The following PEX5L variants were observed in gnomAD, a reference collection of about 807,000 sequenced individuals.
The protein encoded by PEX5L is PEX5-related protein.
A neutral mutation model predicts 84.0 loss-of-function variants in PEX5L; 30 were observed. The observed-to-expected ratio is 0.36, with a 90% CI of 0.27 to 0.48. PEX5L has a LOEUF of 0.48. PEX5L is among the 20% of genes least tolerant of loss of function. The probability of loss-of-function intolerance (pLI) is 0.99; values close to 1 mark genes in which losing one functional copy is unlikely to be tolerated. For missense variants in PEX5L, 533 were observed against 754.6 expected, an observed-to-expected ratio of 0.71 and a Z score of 3.44; for synonymous variants, 270 against 283.1, an observed-to-expected ratio of 0.95 and a Z score of 0.46.
chr3:180,019,647 A>G (rs1038198078), intron 1 of PEX5L, among the ~76,000 whole-genome samples: 2 of 152,318 alleles, frequency 1.3e-5, no homozygotes, highest in South Asian at 2.1e-4. Context: ...ATAACTGTCA[A>G]TGAAAATATT....
chr3:179,954,227 C>A (rs1779941339), intron 2 of PEX5L, among the ~76,000 whole-genome samples: 1 of 150,306 alleles, frequency 6.7e-6, no homozygotes, highest in Admixed American at 6.6e-5. Context: ...AAAAGTCAGC[C>A]ATGAGTAAAA....
At chr3:179,871,833 C>T (rs1750509003) in intron 7 of PEX5L, among the ~76,000 whole-genome samples, 1 of 152,160 alleles carries the variant, frequency 6.6e-6, no homozygotes, top group African/African-American at 2.4e-5. Context: ...CTGCCTGATT[C>T]GTGAATTGTT....
intron 3 of PEX5L, among the ~76,000 whole-genome samples, chr3:179,893,718 T>A (rs558735153): frequency 3.3e-4 from 51 of 152,290 alleles, no homozygotes; most frequent in Non-Finnish European, 6.6e-4. Flanking sequence ...CATTTGGTAC[T>A]TCAATAATAA....
At chr3:180,030,305 A>C (rs1475391865) in intron 1 of PEX5L, among the ~76,000 whole-genome samples, 1 of 152,094 alleles carries the variant, frequency 6.6e-6, no homozygotes, top group Non-Finnish European at 1.5e-5. Context: ...GCTCACCCAT[A>C]TCTCTCCCTT....
intron 2 of PEX5L, chr3:179,921,518 T>C (rs553267621): frequency 6.6e-5 from 10 of 152,356 alleles, no homozygotes; most frequent in Admixed American, 3.3e-4. Context: ...TTTTCGTGTC[T>C]AACCTCTTGA....
chr3:179,866,916 C>T (rs778923981), intron 7 of PEX5L, among the ~76,000 whole-genome samples: 9 of 150,600 alleles, frequency 6.0e-5, no homozygotes, highest in African/African-American at 9.8e-5. Context: ...ATTCCAGCTA[C>T]TCGGGAGGCT....
intron 1 of PEX5L, among the ~76,000 whole-genome samples, chr3:179,984,920 G>C (rs1012395954): frequency 6.6e-6 from 1 of 152,172 alleles, no homozygotes; most frequent in African/African-American, 2.4e-5. Flanking sequence ...TGAATTTTAA[G>C]AGAGAAAAAG....
chr3:179,815,283 T>C (rs566678180), intron 10 of PEX5L, among the ~76,000 whole-genome samples: 20 of 152,324 alleles, frequency 1.3e-4, no homozygotes, highest in Admixed American at 2.0e-4. Flanking sequence ...TACCGCTATA[T>C]ACTGTCCCTT....
intron 1 of PEX5L, among the ~76,000 whole-genome samples, chr3:180,029,353 T>C (rs1272542757): frequency 6.6e-6 from 1 of 152,036 alleles, no homozygotes; most frequent in Non-Finnish European, 1.5e-5. Context: ...ACGAATTGTT[T>C]TGAGAACTAT....
intron 2 of PEX5L, among the ~76,000 whole-genome samples, chr3:179,944,305 CT>C (rs1300119297): frequency 6.6e-6 from 1 of 152,202 alleles, no homozygotes; most frequent in East Asian, 1.9e-4. Context: ...TAAGAAGAGA[CT>C]TTTGCTCAAC....
At chr3:179,868,453 T>C (rs1749148307) in intron 7 of PEX5L, among the ~76,000 whole-genome samples, 1 of 152,184 alleles carries the variant, frequency 6.6e-6, no homozygotes, top group South Asian at 2.1e-4. Flanking sequence ...AAAACATACC[T>C]GCACTTAAGG....
At position 179,923,300 on chromosome 3, in the gene PEX5L, A is replaced by AC. The variant is rs1560731226; in HGVS notation, c.94-25055_94-25054insG. Among the ~76,000 whole-genome samples the AC allele has an allele frequency of 2.7e-4, 39 of 144,814 alleles. 2 individuals carry two copies. The East Asian group carries it at 7.9e-3, about 29-fold the overall frequency. ...AGCGAGACTCCATCTCAAAAAAAAA[A>AC]AAAAAAAAAAACACCCTCAAGTGAA... On this transcript the variant is annotated intron_variant, in intron 2 of 14. Transcript: ENST00000467460.
intron 1 of PEX5L, among the ~76,000 whole-genome samples, chr3:180,027,516 A>T (rs1791075806): frequency 6.6e-6 from 1 of 152,106 alleles, no homozygotes; most frequent in Non-Finnish European, 1.5e-5. Context: ...ACACACACAC[A>T]TGCATACACA....
chr3:179,956,959 A>G (rs973430769), intron 2 of PEX5L, among the ~76,000 whole-genome samples: 1 of 152,110 alleles, frequency 6.6e-6, no homozygotes, highest in Non-Finnish European at 1.5e-5. Flanking sequence ...ATCTTAAAAG[A>G]TGAGTAAGGT....
intron 2 of PEX5L, among the ~76,000 whole-genome samples, chr3:179,907,529 G>T (rs1195744477): frequency 6.6e-6 from 1 of 152,008 alleles, no homozygotes; most frequent in Non-Finnish European, 1.5e-5. Flanking sequence ...GCCCAGGCTG[G>T]TCTCAAACTC....
Position 179,911,245 on chromosome 3 carries a change from A to G in PEX5L, c.94-12999T>C, listed in dbSNP as rs1349050650. On this transcript the variant is annotated intron_variant, in intron 2 of 14. Transcript: ENST00000467460. ...CGTGTGTTATTCTGTTTGCTTATCAATTCCAAGCTGCTGAGGGATACCCTA... is the reference window on the plus strand; with the variant it reads ...CGTGTGTTATTCTGTTTGCTTATCAGTTCCAAGCTGCTGAGGGATACCCTA... 3.3e-5 allele frequency among the ~76,000 whole-genome samples: 5 copies of G among 152,296 alleles called. No homozygotes were observed. In the East Asian group the frequency reaches 9.6e-4, roughly 29 times the overall value.
intron 2 of PEX5L, among the ~76,000 whole-genome samples, chr3:179,952,904 A>G (rs1185216826): frequency 6.6e-6 from 1 of 152,206 alleles, no homozygotes; most frequent in Non-Finnish European, 1.5e-5. Flanking sequence ...CAAAACAGAT[A>G]TATAGACCAA....
At chr3:179,826,949 A>G (rs1730718280) in intron 8 of PEX5L, among the ~76,000 whole-genome samples, 1 of 152,222 alleles carries the variant, frequency 6.6e-6, no homozygotes, top group Admixed American at 6.5e-5. Context: ...GATAAAATAA[A>G]AATAGTGGTA....
chr3:179,878,639 G>C (rs1753220414), intron 5 of PEX5L, among the ~76,000 whole-genome samples: 1 of 152,138 alleles, frequency 6.6e-6, no homozygotes, highest in African/African-American at 2.4e-5. Flanking sequence ...ACCCTGCTCT[G>C]TTCTCCCCAC....
Sources: gnomAD v4.1 joint callset for allele counts (sites outside exome capture counted in the v4.1 genomes callset) on GRCh38, gnomAD v4.1.1 for gene constraint, MANE v1.5 for transcripts, NCBI Gene and HGNC (gene_info 2026-07-23, HGNC 2026-07-21) for gene names.